The following ARHGAP19 variants were observed in gnomAD, a reference collection of about 807,000 sequenced individuals.
ARHGAP19 encodes rho GTPase-activating protein 19.
Under a neutral mutation model 60.9 loss-of-function variants are expected in ARHGAP19, and 48 were observed. The observed-to-expected ratio is 0.79, with a 90% CI of 0.62 to 1.00. The LOEUF is 1.00. Ranked by LOEUF, ARHGAP19 falls within the 50% of genes least tolerant of loss-of-function variation. The pLI is 0.00. For missense variants in ARHGAP19, 562 were observed against 597.2 expected (o/e 0.94, Z 0.61); for synonymous variants, 209 against 215.5 (o/e 0.97, Z 0.27).
At chr10:97,233,713 C>CA (rs1564711245) in intron 9 of ARHGAP19, among the ~76,000 whole-genome samples, 1 of 151,724 alleles carries the variant, frequency 6.6e-6, no homozygotes, top group African/African-American at 2.4e-5. Context: ...ACTAAAACTA[C>CA]AAAAATGAGC....
At chr10:97,263,038 G>A (rs1459453483) in intron 4 of ARHGAP19, among the ~76,000 whole-genome samples, 2 of 152,102 alleles carry the variant, frequency 1.3e-5, no homozygotes, top group Admixed American at 6.6e-5. Flanking sequence ...ACCTGAGCCC[G>A]GGAGAGCAAG....
Position 97,235,198 on chromosome 10 carries a change from G to A in ARHGAP19, c.1284+19C>T, listed in dbSNP as rs747064780. On this transcript the variant is annotated intron_variant, in intron 9 of 11. Coordinates refer to ENST00000358531, the MANE Select transcript of ARHGAP19 (RefSeq NM_032900.6). Reference sequence around the variant, plus strand: ...TTTCCTAAAAATCAATGCTGAAAACGACAGCCCAGCATACCTACCTTAATA... The same window carrying A: ...TTTCCTAAAAATCAATGCTGAAAACAACAGCCCAGCATACCTACCTTAATA... 14 of 1,568,846 alleles carry A rather than the reference G, an allele frequency of 8.9e-6. No individual in the cohort carries two copies. The East Asian group carries it at 9.0e-5, about 10-fold the overall frequency.
rs1842802864 is a variant in ARHGAP19 at position 97,259,682 on chromosome 10, T to C, written c.614-54A>G. The C allele has an allele frequency of 2.1e-5, 28 of 1,305,284 alleles. No homozygotes were observed. The South Asian group carries it at 3.3e-4, about 15-fold the overall frequency. 80.9% of individuals were successfully genotyped at this position (1,305,284 alleles called of 1,614,324 possible). A position where few individuals can be genotyped will look rare whatever the true frequency, so the allele number is the denominator to read the frequency against. On this transcript the variant is annotated intron_variant, in intron 4 of 11. Coordinates refer to ENST00000358531, the MANE Select transcript of ARHGAP19 (RefSeq NM_032900.6). ...GGGGAGAAAATATCAGCAAGAAAAA[T>C]CAGTGCTATCACCATTATCCTCCCC...
chr10:97,251,284 A>AGG (rs1564717932), intron 6 of ARHGAP19, among the ~76,000 whole-genome samples: 1 of 23,254 alleles, frequency 4.3e-5, no homozygotes, highest in Admixed American at 3.5e-4. Flanking sequence ...AGGGAAGGGA[A>AGG]AAAGGAAGGG....
At chr10:97,227,519 C>T (rs991706206) in intron 11 of ARHGAP19, among the ~76,000 whole-genome samples, 4 of 152,000 alleles carry the variant, frequency 2.6e-5, no homozygotes, top group African/African-American at 9.7e-5. Context: ...AACAGTAAGC[C>T]ACTGCAGATA....
chr10:97,290,888 C>T (rs1009518242), intron 1 of ARHGAP19, among the ~76,000 whole-genome samples: 2 of 152,038 alleles, frequency 1.3e-5, no homozygotes, highest in African/African-American at 4.8e-5. Context: ...TTAGGGCGGT[C>T]ATCGGCCAAT....
chr10:97,290,591 G>A (rs113407815), intron 1 of ARHGAP19, among the ~76,000 whole-genome samples: 149 of 152,266 alleles, frequency 9.8e-4, no homozygotes, highest in African/African-American at 3.2e-3. Context: ...CATCATCTTA[G>A]AAGCGGCTGG....
At chr10:97,270,485 T>C in intron 1 of ARHGAP19, 2 of 661,956 alleles carry the variant, frequency 3.0e-6, no homozygotes, top group African/African-American at 1.8e-5. Context: ...TTTAAGAACT[T>C]AAGAAATGTA....
intron 1 of ARHGAP19, among the ~76,000 whole-genome samples, chr10:97,290,093 G>A (rs572590399): frequency 6.6e-6 from 1 of 152,038 alleles, no homozygotes; most frequent in East Asian, 1.9e-4. Flanking sequence ...GAAAACTCGG[G>A]CAACCCCCTT....
At chr10:97,289,510 C>A (rs1843201753) in intron 1 of ARHGAP19, among the ~76,000 whole-genome samples, 1 of 152,098 alleles carries the variant, frequency 6.6e-6, no homozygotes, top group Non-Finnish European at 1.5e-5. Flanking sequence ...AATACTCTCA[C>A]TGAAAATTTA....
rs113635195 is a variant in ARHGAP19, at chr10:97,254,932, A to G, written c.927+1386T>C. Among the ~76,000 whole-genome samples, 95 of 152,324 alleles carry G rather than the reference A, an allele frequency of 6.2e-4. 2 individuals carry two copies. Among genetic ancestry groups the G allele is most frequent in the African/African-American group, 1.6e-3 (68 of 41,570 alleles). On this transcript the variant is annotated intron_variant, in intron 6 of 11. Transcript: ENST00000358531. ...CATGCTACTGTGTGGATGAACCTTG[A>G]GCACACTATGCTAAGTATAAATAAG...
chr10:97,233,428 C>T (rs1186270135), intron 9 of ARHGAP19, among the ~76,000 whole-genome samples: 1 of 151,878 alleles, frequency 6.6e-6, no homozygotes, highest in Non-Finnish European at 1.5e-5. Context: ...CAAAGAGCTC[C>T]CTGTGTTGCT....
At chr10:97,247,137 C>CAA (rs1322063524) in intron 6 of ARHGAP19, among the ~76,000 whole-genome samples, 1 of 140,660 alleles carries the variant, frequency 7.1e-6, no homozygotes. Flanking sequence ...AACTCCATCT[C>CAA]AAAAAAAAAA....
intron 8 of ARHGAP19, among the ~76,000 whole-genome samples, chr10:97,239,580 G>A (rs1842444264): frequency 6.6e-6 from 1 of 150,624 alleles, no homozygotes; most frequent in Admixed American, 6.6e-5. Context: ...GTGTGTGTGT[G>A]TGTGTGTGTG....
intron 8 of ARHGAP19, among the ~76,000 whole-genome samples, chr10:97,241,976 T>C (rs1172290562): frequency 6.7e-5 from 10 of 148,852 alleles, no homozygotes; most frequent in South Asian, 2.1e-4. Flanking sequence ...CGCCACTGCA[T>C]TCCAGCCTGG....
At chr10:97,253,518 T>TC (rs1438476948) in intron 6 of ARHGAP19, among the ~76,000 whole-genome samples, 1 of 152,080 alleles carries the variant, frequency 6.6e-6, no homozygotes, top group African/African-American at 2.4e-5. Context: ...AAAGATCGGT[T>TC]GGTCAATAGG....
intron 9 of ARHGAP19, among the ~76,000 whole-genome samples, chr10:97,231,095 A>C: frequency 6.7e-6 from 1 of 148,456 alleles, no homozygotes; most frequent in Non-Finnish European, 1.5e-5. Context: ...AAAAAGACTA[A>C]CACATAGAGG....
intron 8 of ARHGAP19, 50 bp from the exon 9 acceptor site, chr10:97,235,365 C>T (rs759248984): frequency 8.1e-6 from 12 of 1,488,568 alleles, no homozygotes; most frequent in Non-Finnish European, 1.0e-5. Flanking sequence ...CATCAAGACA[C>T]GGCATTCTGT....
At chr10:97,230,920 G>A (rs1310416215) in intron 9 of ARHGAP19, among the ~76,000 whole-genome samples, 2 of 151,902 alleles carry the variant, frequency 1.3e-5, no homozygotes, top group Admixed American at 6.6e-5. Context: ...AACTGGGCGT[G>A]GTGGTGCATG....
Sources: gnomAD v4.1 joint callset for allele counts (sites outside exome capture counted in the v4.1 genomes callset) on GRCh38, gnomAD v4.1.1 for gene constraint, MANE v1.5 for transcripts, NCBI Gene and HGNC (gene_info 2026-07-23, HGNC 2026-07-21) for gene names.